CNTN1: variants seen among roughly 807,000 people sequenced by gnomAD.
CNTN1 encodes the protein contactin 1.
A neutral mutation model predicts 126.4 loss-of-function variants in CNTN1; 38 were observed. The observed-to-expected ratio is 0.30, with a 90% CI of 0.23 to 0.39. The LOEUF (loss-of-function observed/expected upper bound fraction) is 0.39, where lower values mean the gene tolerates loss of function less well. Among genes scored for constraint, CNTN1 ranks in the 10% least tolerant of loss-of-function variants. The pLI, the probability that CNTN1 is intolerant of heterozygous loss-of-function variation, is 1.00. For synonymous variants in CNTN1, 413 were observed against 422.6 expected, an observed-to-expected ratio of 0.98 and a Z score of 0.28; for missense variants, 1,009 against 1,248.4, an observed-to-expected ratio of 0.81 and a Z score of 2.89.
At chr12:40,847,518 A>C (rs151090038) in intron 1 of CNTN1, among the ~76,000 whole-genome samples, 53 of 152,336 alleles carry the variant, frequency 3.5e-4, no homozygotes, top group African/African-American at 1.2e-3. Context: ...TTTCAGGGGA[A>C]AAAAACTGAA....
At chr12:41,044,606 T>C (rs1949501215) in intron 23 of CNTN1, among the ~76,000 whole-genome samples, 1 of 152,108 alleles carries the variant, frequency 6.6e-6, no homozygotes, top group Non-Finnish European at 1.5e-5. Flanking sequence ...TGATGTGTTC[T>C]AAATTTAGAA....
chr12:41,065,491 C>T (rs1417242136), intron 23 of CNTN1, among the ~76,000 whole-genome samples: 2 of 152,176 alleles, frequency 1.3e-5, no homozygotes, highest in Non-Finnish European at 2.9e-5. Flanking sequence ...CACACCAGAG[C>T]AATCATGGAA....
chr12:40,767,220 A>AG (rs1183125294), intron 1 of CNTN1, among the ~76,000 whole-genome samples: 1 of 151,728 alleles, frequency 6.6e-6, no homozygotes, highest in Non-Finnish European at 1.5e-5. Flanking sequence ...CTAGGGGTCA[A>AG]GGGGTCAATA....
intron 19 of CNTN1, among the ~76,000 whole-genome samples, chr12:41,019,531 T>C (rs1420542581): frequency 2.0e-5 from 3 of 151,994 alleles, no homozygotes; most frequent in Non-Finnish European, 4.4e-5. Context: ...AAACATTAAA[T>C]AGGATTATGG....
chr12:40,882,391 T>C (rs940613715), intron 1 of CNTN1, among the ~76,000 whole-genome samples: 5 of 151,740 alleles, frequency 3.3e-5, no homozygotes, highest in African/African-American at 1.2e-4. Flanking sequence ...ACATGTGTCA[T>C]TAACAAAAAT....
chr12:40,940,746 C>T (rs1340484211), intron 12 of CNTN1, among the ~76,000 whole-genome samples: 17 of 152,126 alleles, frequency 1.1e-4, no homozygotes, highest in Admixed American at 1.1e-3. Flanking sequence ...CTTCCCTGAA[C>T]ACACTGACTT....
At position 40,981,031 on chromosome 12, in the gene CNTN1, A is replaced by G; in HGVS notation, c.1927A>G (p.Thr643Ala). ...TTCTAAATACACTATCCAGACCAAG[A>G]CTATTCTTTCAGATGACTGGAAAGA... ...PISKYTIQTK[T>A]ILSDDWKDAK... The change falls in exon 16 of 24, where the codon ACT becomes GCT. Residue 643 changes from threonine to alanine, a missense_variant. Thr to Ala is a moderately conservative substitution (Grantham distance 58, BLOSUM62 0). Transcript: ENST00000551295. 1.2e-6 allele frequency: 2 copies of G among 1,613,342 alleles called. No homozygotes were observed. Among genetic ancestry groups the G allele is most frequent in the East Asian group, 2.2e-5 (1 of 44,868 alleles).
rs371796687 is a variant in CNTN1, at chr12:40,911,112, G to A, written c.94+1007G>A. ...TTATTTATTTTTGAGATGGAGTCTCGCTCTGTCACCCAGGCTGGAGTGCAG... is the reference window on the plus strand; with the variant it reads ...TTATTTATTTTTGAGATGGAGTCTCACTCTGTCACCCAGGCTGGAGTGCAG... On this transcript the variant is annotated intron_variant, in intron 3 of 23. Transcript: ENST00000551295. Among the ~76,000 whole-genome samples, 7 of 152,102 alleles carry A rather than the reference G, an allele frequency of 4.6e-5. No individual in the cohort carries two copies. The East Asian group carries it at 7.7e-4, about 17-fold the overall frequency.
chr12:40,965,410 A>G (rs933901532), intron 15 of CNTN1, among the ~76,000 whole-genome samples: 2 of 152,270 alleles, frequency 1.3e-5, no homozygotes, highest in Admixed American at 1.3e-4. Context: ...AACTCACTAT[A>G]CCAGAAAGAT....
At chr12:41,026,444 G>T (rs1012923568) in intron 21 of CNTN1, among the ~76,000 whole-genome samples, 2 of 152,192 alleles carry the variant, frequency 1.3e-5, no homozygotes, top group Admixed American at 1.3e-4. Context: ...TTCTGATTGG[G>T]TGGCCAGGAA....
intron 1 of CNTN1, among the ~76,000 whole-genome samples, chr12:40,763,411 A>G (rs1938944690): frequency 6.6e-6 from 1 of 152,234 alleles, no homozygotes; most frequent in South Asian, 2.1e-4. Context: ...GTTAAGTAAT[A>G]TATTTATTAA....
At chr12:40,706,456 C>G (rs1487124469) in intron 1 of CNTN1, among the ~76,000 whole-genome samples, 1 of 152,008 alleles carries the variant, frequency 6.6e-6, no homozygotes, top group African/African-American at 2.4e-5. Context: ...TCTCACATAG[C>G]CTCTTTAACA....
At chr12:40,946,763 A>G (rs1317727751) in intron 14 of CNTN1, among the ~76,000 whole-genome samples, 1 of 152,260 alleles carries the variant, frequency 6.6e-6, no homozygotes, top group East Asian at 1.9e-4. Context: ...ATTGAATTCA[A>G]TAATTAAGTA....
At chr12:40,834,292 C>T (rs76751387) in intron 1 of CNTN1, among the ~76,000 whole-genome samples, 2,657 of 152,216 alleles carry the variant, frequency 0.017, 73 homozygotes, top group African/African-American at 0.06. Context: ...TTGATTTTTA[C>T]GGCCATTAAC....
intron 1 of CNTN1, among the ~76,000 whole-genome samples, chr12:40,703,550 C>T (rs1941655680): frequency 6.6e-6 from 1 of 152,160 alleles, no homozygotes; most frequent in African/African-American, 2.4e-5. Flanking sequence ...TGCTATATCG[C>T]TCTCATCTGA....
chr12:40,846,449 C>T (rs1053946152), intron 1 of CNTN1, among the ~76,000 whole-genome samples: 1 of 152,198 alleles, frequency 6.6e-6, no homozygotes, highest in African/African-American at 2.4e-5. Flanking sequence ...GCCTGGACAA[C>T]AGCGAAACTC....
Position 40,712,398 on chromosome 12 carries a change from A to C in CNTN1, c.-77+19806A>C, listed in dbSNP as rs191711362. 8.5e-3 allele frequency among the ~76,000 whole-genome samples: 1,291 copies of C among 152,244 alleles called. 21 individuals carry two copies. Among genetic ancestry groups the C allele is most frequent in the Non-Finnish European group, 1.0e-2 (678 of 67,990 alleles). On this transcript the variant is annotated intron_variant, in intron 1 of 23. Coordinates refer to ENST00000551295, the MANE Select transcript of CNTN1 (RefSeq NM_001843.4). ...GGATAGGAACTAAGTAGAGGTTTCAAATGTGTATCTGCTATTTTATTTTAT... is the reference window on the plus strand; with the variant it reads ...GGATAGGAACTAAGTAGAGGTTTCACATGTGTATCTGCTATTTTATTTTAT...
intron 1 of CNTN1, among the ~76,000 whole-genome samples, chr12:40,788,841 A>G (rs776009287): frequency 1.3e-5 from 2 of 152,072 alleles, no homozygotes; most frequent in African/African-American, 4.8e-5. Flanking sequence ...TATATCATAC[A>G]TCGTGCTATT....
chr12:41,028,747 A>T (rs1949084617), intron 22 of CNTN1, among the ~76,000 whole-genome samples: 1 of 152,182 alleles, frequency 6.6e-6, no homozygotes, highest in African/African-American at 2.4e-5. Flanking sequence ...TATATTTTAA[A>T]AGTTCTCATT....
Sources: gnomAD v4.1 joint callset for allele counts (sites outside exome capture counted in the v4.1 genomes callset) on GRCh38, gnomAD v4.1.1 for gene constraint, MANE v1.5 for transcripts, NCBI Gene and HGNC (gene_info 2026-07-23, HGNC 2026-07-21) for gene names.